Variants in CACNA1E observed in about 807,000 individuals in gnomAD.
CACNA1E encodes the protein calcium voltage-gated channel subunit alpha1 E.
A neutral mutation model predicts 259.2 loss-of-function variants in CACNA1E; 40 were observed. The ratio of observed to expected loss-of-function variants is 0.15; its 90% CI spans 0.12 to 0.20. The LOEUF (loss-of-function observed/expected upper bound fraction) is 0.20. Among genes scored for constraint, CACNA1E ranks in the 10% least tolerant of loss-of-function variants. The pLI, the probability that CACNA1E is intolerant of heterozygous loss-of-function variation, is 1.00. For missense variants in CACNA1E, 1,874 were observed against 3,040.1 expected (o/e 0.62, Z 9.02); for synonymous variants, 1,104 against 1,138.5 (o/e 0.97, Z 0.61).
At chr1:181,406,385 T>G (rs1006395863) in intron 1 of CACNA1E, among the ~76,000 whole-genome samples, 8 of 152,168 alleles carry the variant, frequency 5.3e-5, no homozygotes, top group Non-Finnish European at 8.8e-5. Flanking sequence ...AACTTTATGA[T>G]GTATCTACCT....
At position 181,732,094 on chromosome 1, in the gene CACNA1E, A is replaced by C. The variant is rs1271695686; in HGVS notation, c.2298-290A>C. On this transcript the variant is annotated intron_variant, in intron 19 of 47. Transcript: ENST00000367573. This position sits in a 1 kb window ranked among gnomAD's most constrained non-coding sequence, Gnocchi z 5.5. Reference sequence around the variant, plus strand: ...TAAGCCTGTGGATGGCTGCCCCAGCAGGCCCTGGGGACTTGGAACTCCTCC... The same window carrying C: ...TAAGCCTGTGGATGGCTGCCCCAGCCGGCCCTGGGGACTTGGAACTCCTCC... Among the ~76,000 whole-genome samples, 5 of 151,986 alleles carry C rather than the reference A, an allele frequency of 3.3e-5. No homozygotes were observed. The highest frequency in any genetic ancestry group is 6.5e-5 in the Admixed American group (1 of 15,268).
At chr1:181,418,471 ACCTTT>A (rs1658453056) in intron 2 of CACNA1E, among the ~76,000 whole-genome samples, 1 of 151,984 alleles carries the variant, frequency 6.6e-6, no homozygotes, top group Non-Finnish European at 1.5e-5. Context: ...CCAGTCCCAG[ACCTTT>A]GGTTAGCATC....
chr1:181,607,020 G>A (rs1304753575), intron 6 of CACNA1E, among the ~76,000 whole-genome samples: 1 of 152,144 alleles, frequency 6.6e-6, no homozygotes, highest in Non-Finnish European at 1.5e-5. Context: ...CACTCCAGTT[G>A]TTTTTGGAAT....
Position 181,397,713 on chromosome 1 carries a change from G to A in CACNA1E, c.-14-15420G>A, listed in dbSNP as rs540757268. On this transcript the variant is annotated intron_variant, in intron 1 of 11. Coordinates refer to the CACNA1E transcript ENST00000524607. ...AGCGATGCTTAGAATCCAGCTCCAG[G>A]ACCTGGTGTCCCTCCCCCTCATCCC... 1.5e-3 allele frequency among the ~76,000 whole-genome samples: 231 copies of A among 152,274 alleles called. 1 individual carries two copies. The highest frequency in any genetic ancestry group is 5.2e-3 in the African/African-American group (215 of 41,546).
chr1:181,319,740 C>A (rs4387138), intron 1 of CACNA1E, among the ~76,000 whole-genome samples: 1 of 152,180 alleles, frequency 6.6e-6, no homozygotes, highest in Non-Finnish European at 1.5e-5. Flanking sequence ...AATGATTGCC[C>A]TAAGAGTGAC....
chr1:181,646,160 C>T (rs936715166), intron 6 of CACNA1E, among the ~76,000 whole-genome samples: 2 of 152,256 alleles, frequency 1.3e-5, no homozygotes, highest in Admixed American at 6.5e-5. Context: ...CTCCAACCCT[C>T]TCCTGGCCTG....
intron 5 of CACNA1E, 97 bp downstream of exon 5, chr1:181,579,321 C>A: frequency 1.0e-6 from 1 of 952,750 alleles, no homozygotes; most frequent in Non-Finnish European, 1.5e-6. Flanking sequence ...AAAGTATGTC[C>A]TATTCTGACC....
intron 3 of CACNA1E, among the ~76,000 whole-genome samples, chr1:181,550,715 T>C (rs1336454826): frequency 6.6e-6 from 1 of 151,908 alleles, no homozygotes; most frequent in African/African-American, 2.4e-5. Flanking sequence ...TAGAAATAAA[T>C]GCTTTTTTTT....
intron 2 of CACNA1E, among the ~76,000 whole-genome samples, chr1:181,423,249 A>G (rs981359613): frequency 6.6e-6 from 1 of 152,182 alleles, no homozygotes; most frequent in Non-Finnish European, 1.5e-5. Flanking sequence ...GTATACATCA[A>G]CGGACCACAG....
chr1:181,621,687 A>G (rs1655730349), intron 6 of CACNA1E, among the ~76,000 whole-genome samples: 1 of 152,216 alleles, frequency 6.6e-6, no homozygotes, highest in African/African-American at 2.4e-5. Flanking sequence ...GCATTTATGG[A>G]GCTCCTTAAT....
rs188654809 is a variant in CACNA1E at position 181,633,327 on chromosome 1, C to G, written c.952-18011C>G. 1.4e-3 allele frequency among the ~76,000 whole-genome samples: 217 copies of G among 152,084 alleles called. 4 individuals are homozygous for G. The highest frequency in any genetic ancestry group is 2.2e-4 in the Non-Finnish European group (15 of 68,010). ...TCTTATCACCATAGCTAATACTTAC[C>G]GAATGCTTTCTGCTTGCCATAGCTT... is the stretch of plus-strand genomic sequence containing the variant. On this transcript the variant is annotated intron_variant, in intron 6 of 47. Coordinates refer to ENST00000367573, the MANE Select transcript of CACNA1E (RefSeq NM_001205293.3).
intron 1 of CACNA1E, among the ~76,000 whole-genome samples, chr1:181,319,789 G>A (rs1163336450): frequency 6.6e-6 from 1 of 152,172 alleles, no homozygotes; most frequent in African/African-American, 2.4e-5. Context: ...TAATTCAAGA[G>A]GCAACATGTG....
At chr1:181,373,923 A>G (rs1282171430) in intron 1 of CACNA1E, among the ~76,000 whole-genome samples, 1 of 152,332 alleles carries the variant, frequency 6.6e-6, no homozygotes, top group Non-Finnish European at 1.5e-5. Flanking sequence ...CTAGCAGTCT[A>G]TAAACATTGT....
intron 7 of CACNA1E, among the ~76,000 whole-genome samples, chr1:181,653,775 C>A (rs1658960798): frequency 1.3e-5 from 2 of 152,150 alleles, no homozygotes; most frequent in Admixed American, 1.3e-4. Flanking sequence ...ATTTGAACAT[C>A]CTTAACTTAA....
At position 181,784,373 on chromosome 1, in the gene CACNA1E, T is replaced by G. The variant is rs372246134; in HGVS notation, c.5471-288T>G. On this transcript the variant is annotated intron_variant, in intron 40 of 47. Coordinates refer to ENST00000367573, the MANE Select transcript of CACNA1E (RefSeq NM_001205293.3). ...CGGCTATTGTTATTTTCTCCTCTGA[T>G]GTATTGAGCACCTGGGAGGCTTTTA... 1.8e-4 allele frequency among the ~76,000 whole-genome samples: 27 copies of G among 152,312 alleles called. No homozygotes were observed. In the East Asian group the frequency reaches 4.0e-3, roughly 23 times the overall value.
chr1:181,489,581 T>A (rs2102498708), intron 1 of CACNA1E, among the ~76,000 whole-genome samples: 1 of 152,310 alleles, frequency 6.6e-6, no homozygotes, highest in African/African-American at 2.4e-5. Context: ...CCTGTTACAT[T>A]TGAGTGCCCC....
At chr1:181,632,132 T>G (rs2101948729) in intron 6 of CACNA1E, among the ~76,000 whole-genome samples, 1 of 133,140 alleles carries the variant, frequency 7.5e-6, no homozygotes, top group South Asian at 2.7e-4. Flanking sequence ...CTACACATTC[T>G]TCATATGACA....
At chr1:181,423,356 A>G (rs1433499493) in intron 2 of CACNA1E, among the ~76,000 whole-genome samples, 1 of 152,144 alleles carries the variant, frequency 6.6e-6, no homozygotes, top group Non-Finnish European at 1.5e-5. Context: ...ATTATTATTC[A>G]TCTGGTCTAG....
In CACNA1E at chr1:181,759,395, C is replaced by CTGTGTGTGTG. The variant is rs10677275; in HGVS notation, c.4605+549_4605+558dup. 2.1e-3 allele frequency among the ~76,000 whole-genome samples: 304 copies of CTGTGTGTGTG among 146,992 alleles called. 5 individuals carry two copies. Among genetic ancestry groups the CTGTGTGTGTG allele is most frequent in the Admixed American group, 7.7e-3 (114 of 14,820 alleles). ...GGCTAATGACCTTTAAGGGGTGTGT[C>CTGTGTGTGTG]TGTGTGTGTGTGTGTGTGTGTGTGT... On this transcript the variant is annotated intron_variant, in intron 32 of 47. Coordinates refer to ENST00000367573, the MANE Select transcript of CACNA1E (RefSeq NM_001205293.3).
Sources: allele counts gnomAD v4.1 joint callset (sites outside exome capture counted in the v4.1 genomes callset), GRCh38; gene constraint gnomAD v4.1.1; non-coding constraint Gnocchi (gnomAD v3.1); transcripts MANE v1.5; gene names NCBI Gene and HGNC (gene_info 2026-07-23, HGNC 2026-07-21).